Variants in RABGAP1L observed in about 807,000 individuals in gnomAD.
The protein encoded by RABGAP1L is rab GTPase-activating protein 1-like.
A neutral mutation model predicts 137.7 loss-of-function variants in RABGAP1L; 63 were observed. The ratio of observed to expected loss-of-function variants is 0.46; its 90% CI spans 0.37 to 0.56. RABGAP1L has a LOEUF of 0.56. RABGAP1L is among the 20% of genes least tolerant of loss of function. The pLI is 0.00. For missense variants in RABGAP1L, 1,095 were observed against 1,244.0 expected (o/e 0.88, Z 1.80); for synonymous variants, 431 against 433.7 (o/e 0.99, Z 0.08).
At chr1:174,540,664 G>T (rs1406941357) in intron 13 of RABGAP1L, among the ~76,000 whole-genome samples, 1 of 151,420 alleles carries the variant, frequency 6.6e-6, no homozygotes, top group African/African-American at 2.4e-5. Flanking sequence ...TCTCTGTTTT[G>T]GTACCAGTAC....
intron 19 of RABGAP1L, among the ~76,000 whole-genome samples, chr1:174,840,329 A>C (rs1210652006): frequency 6.6e-6 from 1 of 152,252 alleles, no homozygotes; most frequent in Non-Finnish European, 1.5e-5. Context: ...TCAAAGAAAG[A>C]TATATGCACA....
intron 3 of RABGAP1L, among the ~76,000 whole-genome samples, chr1:174,229,052 G>A (rs936454481): frequency 6.6e-6 from 1 of 151,970 alleles, no homozygotes; most frequent in Non-Finnish European, 1.5e-5. Context: ...TTATGATGGG[G>A]ATGGAATTGG....
intron 19 of RABGAP1L, among the ~76,000 whole-genome samples, chr1:174,827,307 C>T (rs1691669304): frequency 6.6e-6 from 1 of 152,132 alleles, no homozygotes; most frequent in African/African-American, 2.4e-5. Flanking sequence ...GCCACTGTGC[C>T]CAGCTCTAAT....
intron 18 of RABGAP1L, among the ~76,000 whole-genome samples, chr1:174,762,806 G>GC (rs1491071601): frequency 2.9e-5 from 3 of 105,186 alleles, no homozygotes; most frequent in Non-Finnish European, 4.0e-5. Flanking sequence ...GGTCTCCTTT[G>GC]CTTTTTTTTT....
chr1:174,552,581 T>A (rs146796345), intron 13 of RABGAP1L, among the ~76,000 whole-genome samples: 1 of 152,036 alleles, frequency 6.6e-6, no homozygotes, highest in East Asian at 1.9e-4. Context: ...AAGAATGAGA[T>A]CCTATACACC....
In RABGAP1L at chr1:174,699,513, A is replaced by G. The variant is rs770963499; in HGVS notation, c.1900-12A>G. 3.7e-6 allele frequency: 6 copies of G among 1,608,738 alleles called. No individual in the cohort carries two copies. The Admixed American group carries it at 6.8e-5, about 18-fold the overall frequency. On this transcript the variant is annotated splice_polypyrimidine_tract_variant and intron_variant, in intron 15 of 25. Transcript: ENST00000681986. ...ACTTATTTATATTGTATATGTATAT[A>G]TTTTTCTGTAGATGCCAGAGGAACA...
At chr1:174,856,397 T>TAAAAA (rs150232187) in intron 19 of RABGAP1L, among the ~76,000 whole-genome samples, 9 of 115,154 alleles carry the variant, frequency 7.8e-5, no homozygotes, top group Non-Finnish European at 1.0e-4. Context: ...TCCCTCTCAA[T>TAAAAA]AAAAAAAAAA....
chr1:174,472,575 A>G (rs574210287), intron 13 of RABGAP1L, among the ~76,000 whole-genome samples: 3 of 152,224 alleles, frequency 2.0e-5, no homozygotes, highest in Non-Finnish European at 2.9e-5. Flanking sequence ...GAAACCAGGC[A>G]CATACTTCCG....
intron 13 of RABGAP1L, among the ~76,000 whole-genome samples, chr1:174,489,322 A>C (rs12402177): frequency 2.0e-5 from 3 of 152,196 alleles, no homozygotes; most frequent in Admixed American, 2.0e-4. Context: ...GAACTTAAAC[A>C]AATTTACAAG....
chr1:174,428,075 C>T (rs1465970809), intron 13 of RABGAP1L, among the ~76,000 whole-genome samples: 2 of 152,146 alleles, frequency 1.3e-5, no homozygotes, highest in Non-Finnish European at 2.9e-5. Flanking sequence ...GCTGGCATTT[C>T]ATCTTTCATC....
At chr1:174,784,184 C>G (rs976030682) in intron 18 of RABGAP1L, among the ~76,000 whole-genome samples, 1 of 151,204 alleles carries the variant, frequency 6.6e-6, no homozygotes, top group Non-Finnish European at 1.5e-5. Flanking sequence ...CACGCCCGGC[C>G]AATTTTTTGT....
chr1:174,360,579 AT>A (rs1292909927), intron 11 of RABGAP1L, among the ~76,000 whole-genome samples: 3 of 152,196 alleles, frequency 2.0e-5, no homozygotes, highest in Non-Finnish European at 4.4e-5. Flanking sequence ...GTAAACTAAT[AT>A]GCCGAGCTTC....
chr1:174,417,307 A>G (rs1650716781), intron 13 of RABGAP1L, among the ~76,000 whole-genome samples: 1 of 152,178 alleles, frequency 6.6e-6, no homozygotes, highest in African/African-American at 2.4e-5. Flanking sequence ...CTATTGTAGT[A>G]TTTCAAATCA....
intron 19 of RABGAP1L, among the ~76,000 whole-genome samples, chr1:174,896,507 C>T (rs1425990546): frequency 1.2e-4 from 19 of 152,218 alleles, no homozygotes; most frequent in South Asian, 6.2e-4. Context: ...GACATGAAGT[C>T]GTTGCCCATG....
At chr1:174,339,897 G>A (rs902409472) in intron 11 of RABGAP1L, among the ~76,000 whole-genome samples, 3 of 151,952 alleles carry the variant, frequency 2.0e-5, no homozygotes, top group South Asian at 2.1e-4. Context: ...GTGAGCCACC[G>A]CACCCTTGAA....
intron 13 of RABGAP1L, among the ~76,000 whole-genome samples, chr1:174,493,365 A>C (rs1660440243): frequency 1.3e-5 from 2 of 151,140 alleles, no homozygotes; most frequent in South Asian, 4.2e-4. Context: ...AATATATAAG[A>C]AAATTTATAT....
chr1:174,406,290 A>G (rs1649267306), intron 13 of RABGAP1L, among the ~76,000 whole-genome samples: 1 of 152,194 alleles, frequency 6.6e-6, no homozygotes, highest in South Asian at 2.1e-4. Context: ...AAGTATTTTC[A>G]TGTACTTAAG....
rs372513680 is a variant in RABGAP1L at position 174,601,138 on chromosome 1, G to T, written c.1711-36237G>T. 6.6e-5 allele frequency among the ~76,000 whole-genome samples: 10 copies of T among 152,330 alleles called. No individual in the cohort carries two copies. The South Asian group carries it at 1.0e-3, about 16-fold the overall frequency. On this transcript the variant is annotated intron_variant, in intron 13 of 25. Transcript: ENST00000681986. ...AAGCCACAGCCTGAGCTGTACATTG[G>T]CCCCTTTCAGCCAGGGCTGGAGTGG... is the stretch of plus-strand genomic sequence containing the variant.
At chr1:174,334,071 G>A (rs538312260) in intron 11 of RABGAP1L, among the ~76,000 whole-genome samples, 33 of 152,264 alleles carry the variant, frequency 2.2e-4, no homozygotes, top group Non-Finnish European at 4.7e-4. Flanking sequence ...CTGGTCATAT[G>A]TCCATGTTGA....
Sources: gnomAD v4.1 joint callset for allele counts (sites outside exome capture counted in the v4.1 genomes callset) on GRCh38, gnomAD v4.1.1 for gene constraint, MANE v1.5 for transcripts, NCBI Gene and HGNC (gene_info 2026-07-23, HGNC 2026-07-21) for gene names.